Variants in P3H1 observed in about 807,000 individuals in gnomAD.
P3H1 encodes the protein prolyl 3-hydroxylase 1, also known as growth suppressor 1.
In P3H1, 69 loss-of-function variants were observed where a neutral mutation model predicts 84.0. The ratio of observed to expected loss-of-function variants is 0.82; its 90% CI spans 0.68 to 1.00. The LOEUF (loss-of-function observed/expected upper bound fraction) is 1.00, where lower values mean the gene tolerates loss of function less well. Among genes scored for constraint, P3H1 ranks in the 50% least tolerant of loss-of-function variants. The pLI is 0.00. For missense variants in P3H1, 878 were observed against 962.8 expected (o/e 0.91, Z 1.17); for synonymous variants, 366 against 388.8 (o/e 0.94, Z 0.69).
intron 1 of P3H1, among the ~76,000 whole-genome samples, chr1:42,763,915 C>T (rs1223003638): frequency 2.0e-5 from 3 of 151,626 alleles, no homozygotes; most frequent in Non-Finnish European, 2.9e-5. Context: ...GAGGCTGAGG[C>T]GGGCGGATCA....
Position 42,766,903 on chromosome 1 carries a change from C to T in P3H1, c.69G>A (p.Glu23=), listed in dbSNP as rs1237398609. 3 of 1,609,334 alleles carry T rather than the reference C, an allele frequency of 1.9e-6. No individual in the cohort carries two copies. Among genetic ancestry groups the T allele is most frequent in the Non-Finnish European group, 2.5e-6 (3 of 1,179,834 alleles). The part of the protein sequence containing the change: ...LAVVAAASQA[E]VESEAGWGMV... ...TGCCCCATCCTGCCTCGGACTCGAC[C>T]TCGGCTTGGGAGGCAGCGGCCACGA... is the stretch of plus-strand genomic sequence containing the variant. Residue 23 remains glutamate, a synonymous_variant, in exon 1 of 15, where the codon GAG becomes GAA. Transcript: ENST00000296388.
At chr1:42,761,932 C>A in intron 2 of P3H1, 1 of 222,594 alleles carries the variant, frequency 4.5e-6, no homozygotes, top group African/African-American at 2.4e-5. Context: ...GATATAACAC[C>A]AAATTAGATG....
chr1:42,750,987 G>A (rs1259216469), intron 10 of P3H1, among the ~76,000 whole-genome samples: 4 of 121,046 alleles, frequency 3.3e-5, no homozygotes, highest in African/African-American at 1.3e-4. Context: ...CCATCCGGGA[G>A]GTGAGGGGCG....
In P3H1 at chr1:42,755,028, C is replaced by T. The variant is rs543665897; in HGVS notation, c.1224-38G>A. ...CCGCTCTGAGGACTGCATTCCAGGG[C>T]CAGCCCTGGGCTCCACCCCGACTTC... On this transcript the variant is annotated intron_variant, in intron 7 of 14. Transcript: ENST00000296388. 7 of 1,614,072 alleles carry T rather than the reference C, an allele frequency of 4.3e-6. No homozygotes were observed. In the East Asian group the frequency reaches 1.3e-4, roughly 31 times the overall value.
Position 42,757,810 on chromosome 1 carries a change from T to C in P3H1, c.1053A>G (p.Glu351=), listed in dbSNP as rs1266265537. The C allele has an allele frequency of 2.5e-6, 4 of 1,614,244 alleles. No individual in the cohort carries two copies. The African/African-American group carries it at 4.0e-5, about 16-fold the overall frequency. The change falls in exon 5 of 15, where the codon GAA becomes GAG. Residue 351 remains glutamate (E), a synonymous_variant. Coordinates refer to ENST00000296388, the MANE Select transcript of P3H1 (RefSeq NM_022356.4). ...LAYYAAMLGE[E]HTRSIGPRES... ...CACGGGGGCCGATGGATCTGGTGTG[T>C]TCTTCTCCAAGCATAGCTGCATAAT...
At chr1:42,750,954 A>G (rs1183765355) in intron 10 of P3H1, among the ~76,000 whole-genome samples, 8 of 123,982 alleles carry the variant, frequency 6.5e-5, no homozygotes, top group African/African-American at 2.4e-4. Flanking sequence ...TGGGGGGGTC[A>G]GCCCCCCGCC....
chr1:42,747,213 C>T (rs762316929), intron 14 of P3H1, 59 bp downstream of exon 14: 21 of 1,614,068 alleles, frequency 1.3e-5, no homozygotes, highest in East Asian at 6.7e-5. Flanking sequence ...AAACCAAGGG[C>T]GCTCTGGGAA....
At chr1:42,762,146 C>T in intron 2 of P3H1, 177 bp downstream of exon 2, 1 of 626,744 alleles carries the variant, frequency 1.6e-6, no homozygotes. Context: ...GAATGCATGC[C>T]TGTAGTCCCA....
In P3H1 at chr1:42,767,027, A is replaced by T. The variant is rs1227164884; in HGVS notation, c.-56T>A. The T allele has an allele frequency of 1.3e-6, 2 of 1,573,182 alleles. No individual in the cohort carries two copies. The highest frequency in any genetic ancestry group is 1.7e-6 in the Non-Finnish European group (2 of 1,164,146). On this transcript the variant is annotated 5_prime_UTR_variant, in exon 1 of 15. Transcript: ENST00000296388. ...CACCCGCCACCAAGGCCGGAGTCCT[A>T]CCCCCGGCGAAGGCCCGCCCCCGGG...
At chr1:42,763,440 AG>A (rs1652822232) in intron 1 of P3H1, among the ~76,000 whole-genome samples, 1 of 150,354 alleles carries the variant, frequency 6.7e-6, no homozygotes, top group East Asian at 2.0e-4. Flanking sequence ...GGGAGGCCGA[AG>A]GGGGCAGATC....
At position 42,746,981 on chromosome 1, in the gene P3H1, T is replaced by A. The variant is rs769294326; in HGVS notation, c.2056-129A>T. On this transcript the variant is annotated intron_variant, in intron 14 of 14. Transcript: ENST00000296388. Reference sequence around the variant, plus strand: ...CCAGGCTCATCTCCTTCCCAGCAGGTCCTACTCTCTGGAAAAGGACAGCTG... The same window carrying A: ...CCAGGCTCATCTCCTTCCCAGCAGGACCTACTCTCTGGAAAAGGACAGCTG... 3 of 1,614,086 alleles carry A rather than the reference T, an allele frequency of 1.9e-6. No individual in the cohort carries two copies. In the South Asian group the frequency reaches 3.3e-5, roughly 18 times the overall value.
intron 11 of P3H1, among the ~76,000 whole-genome samples, chr1:42,748,993 C>T (rs185867141): frequency 1.7e-3 from 265 of 152,350 alleles, no homozygotes; most frequent in Admixed American, 3.3e-3. Flanking sequence ...TGCACCTTCC[C>T]GGGGCCTCAC....
At chr1:42,765,167 C>T (rs573468564) in intron 1 of P3H1, among the ~76,000 whole-genome samples, 1 of 152,342 alleles carries the variant, frequency 6.6e-6, no homozygotes, top group East Asian at 1.9e-4. Flanking sequence ...TCCCCACACA[C>T]ATCTCGACAT....
intron 1 of P3H1, 109 bp downstream of exon 1, chr1:42,766,398 C>T (rs1047105335): frequency 9.6e-7 from 1 of 1,038,900 alleles, no homozygotes; most frequent in African/African-American, 1.6e-5. Flanking sequence ...CAGGAGGCCA[C>T]TTTCCCCTCC....
In P3H1 at chr1:42,767,012, C is replaced by G. The variant is rs770280290; in HGVS notation, c.-41G>C. 1 of 1,594,962 alleles carries G rather than the reference C, an allele frequency of 6.3e-7. No homozygotes were observed. Among genetic ancestry groups the G allele is most frequent in the Admixed American group, 1.7e-5 (1 of 58,486 alleles). On this transcript the variant is annotated 5_prime_UTR_variant, in exon 1 of 15. Transcript: ENST00000296388. Reference sequence around the variant, plus strand: ...AACGGAACCGCCAGCCACCCGCCACCAAGGCCGGAGTCCTACCCCCGGCGA... The same window carrying G: ...AACGGAACCGCCAGCCACCCGCCACGAAGGCCGGAGTCCTACCCCCGGCGA...
chr1:42,758,743 C>G, intron 4 of P3H1, 109 bp downstream of exon 4: 1 of 1,341,588 alleles, frequency 7.5e-7, no homozygotes, highest in Admixed American at 1.7e-5. Flanking sequence ...CCCATAGCTA[C>G]TGAAATAAGC....
chr1:42,756,057 T>C (rs1652386845), intron 5 of P3H1, among the ~76,000 whole-genome samples: 1 of 152,180 alleles, frequency 6.6e-6, no homozygotes, highest in African/African-American at 2.4e-5. Flanking sequence ...TGATCTTTTA[T>C]AGCCACATCT....
intron 1 of P3H1, among the ~76,000 whole-genome samples, chr1:42,765,645 T>A (rs1652945914): frequency 1.3e-5 from 2 of 152,018 alleles, no homozygotes; most frequent in Admixed American, 1.3e-4. Context: ...GGGGTGGAAA[T>A]CTGAGGTCCC....
chr1:42,751,422 CA>C (rs1418731658), intron 10 of P3H1, among the ~76,000 whole-genome samples: 1 of 123,794 alleles, frequency 8.1e-6, no homozygotes, highest in Non-Finnish European at 1.7e-5. Context: ...CCCAGGGACA[CA>C]AACACTGCGG....
Sources: allele counts gnomAD v4.1 joint callset (sites outside exome capture counted in the v4.1 genomes callset), GRCh38; gene constraint gnomAD v4.1.1; transcripts MANE v1.5; gene names NCBI Gene and HGNC (gene_info 2026-07-23, HGNC 2026-07-21).